The following TAFA5 variants were observed in gnomAD, a reference collection of about 807,000 sequenced individuals.
TAFA5 encodes the protein TAFA chemokine like family member 5.
A neutral mutation model predicts 15.3 loss-of-function variants in TAFA5; 6 were observed. The observed-to-expected ratio is 0.39, with a 90% CI of 0.21 to 0.77. The LOEUF is 0.77. Ranked by LOEUF, TAFA5 falls within the 30% of genes least tolerant of loss-of-function variation. TAFA5 has a pLI of 0.41. For synonymous variants in TAFA5, 103 were observed against 80.7 expected (o/e 1.28, Z -1.48); for missense variants, 161 against 193.1 (o/e 0.83, Z 0.98).
chr22:48,503,278 A>T (rs762924921), intron 1 of TAFA5, among the ~76,000 whole-genome samples: 4 of 152,218 alleles, frequency 2.6e-5, no homozygotes, highest in Non-Finnish European at 5.9e-5. Flanking sequence ...CATTTGCTGA[A>T]CACGTGAGTT....
intron 2 of TAFA5, among the ~76,000 whole-genome samples, chr22:48,680,065 C>T (rs973629856): frequency 9.2e-5 from 14 of 152,224 alleles, no homozygotes; most frequent in South Asian, 2.1e-4. Context: ...CCGGCACCCA[C>T]CCGTGGTCTC....
At chr22:48,690,839 G>C (rs866767115) in intron 2 of TAFA5, among the ~76,000 whole-genome samples, 2 of 151,790 alleles carry the variant, frequency 1.3e-5, no homozygotes, top group Non-Finnish European at 2.9e-5. Flanking sequence ...GGCTTGGGGG[G>C]CCGTGCTGCC....
intron 1 of TAFA5, among the ~76,000 whole-genome samples, chr22:48,516,154 G>A (rs551701829): frequency 6.6e-6 from 1 of 152,124 alleles, no homozygotes; most frequent in Admixed American, 6.5e-5. Context: ...TTTATGACGC[G>A]CTACCCAAAG....
chr22:48,544,464 G>C, intron 1 of TAFA5: 1 of 349,404 alleles, frequency 2.9e-6, no homozygotes. Flanking sequence ...ATCTGACAAG[G>C]CAGCCGTTTG....
intron 1 of TAFA5, among the ~76,000 whole-genome samples, chr22:48,582,678 A>G (rs1012112570): frequency 6.6e-6 from 1 of 150,962 alleles, no homozygotes; most frequent in East Asian, 2.0e-4. Flanking sequence ...TACACCACAC[A>G]CGAAATACAC....
intron 2 of TAFA5, among the ~76,000 whole-genome samples, chr22:48,654,622 C>G (rs907186071): frequency 6.6e-6 from 1 of 152,256 alleles, no homozygotes; most frequent in Non-Finnish European, 1.5e-5. Context: ...CCTCCCGGCA[C>G]TGACTTTCCC....
chr22:48,506,489 C>T (rs545973863), intron 1 of TAFA5, among the ~76,000 whole-genome samples: 5 of 152,288 alleles, frequency 3.3e-5, no homozygotes, highest in Non-Finnish European at 7.4e-5. Context: ...TAGGGCTCTT[C>T]CCGGCAGTGG....
intron 1 of TAFA5, among the ~76,000 whole-genome samples, chr22:48,595,161 A>G (rs1378032314): frequency 3.3e-5 from 5 of 152,170 alleles, no homozygotes; most frequent in Non-Finnish European, 7.4e-5. Context: ...TGCAGCCTGC[A>G]TGCCCCAATT....
At chr22:48,743,856 G>A (rs1054373494) in intron 3 of TAFA5, among the ~76,000 whole-genome samples, 2 of 152,200 alleles carry the variant, frequency 1.3e-5, no homozygotes, top group Non-Finnish European at 2.9e-5. Flanking sequence ...CAGATGATCC[G>A]TCCGCACATT....
At chr22:48,553,218 C>G (rs1041142673) in intron 1 of TAFA5, among the ~76,000 whole-genome samples, 14 of 152,240 alleles carry the variant, frequency 9.2e-5, no homozygotes, top group African/African-American at 3.4e-4. Flanking sequence ...ACTCCACAGG[C>G]CCCCCGCTCT....
At position 48,721,013 on chromosome 22, in the gene TAFA5, C is replaced by T. The variant is rs77857115; in HGVS notation, c.390+13169C>T. On this transcript the variant is annotated intron_variant, in intron 3 of 3. Coordinates refer to ENST00000402357, the MANE Select transcript of TAFA5 (RefSeq NM_001082967.3). ...ATGAGGAACCCGAGTGGCCCCCTCT[C>T]CTGAGGGCGCTAAGGCCACTGTCCC... is the stretch of plus-strand genomic sequence containing the variant. 6.2e-3 allele frequency among the ~76,000 whole-genome samples: 951 copies of T among 152,328 alleles called. 5 individuals are homozygous for T. Among genetic ancestry groups the T allele is most frequent in the Non-Finnish European group, 0.011 (735 of 68,024 alleles).
At chr22:48,696,364 C>T (rs1928712357) in intron 2 of TAFA5, among the ~76,000 whole-genome samples, 1 of 152,192 alleles carries the variant, frequency 6.6e-6, no homozygotes, top group Non-Finnish European at 1.5e-5. Flanking sequence ...CTCCTTCCTT[C>T]CATCCTTCCC....
chr22:48,723,243 C>T (rs944639134), intron 3 of TAFA5, among the ~76,000 whole-genome samples: 1 of 152,164 alleles, frequency 6.6e-6, no homozygotes, highest in African/African-American at 2.4e-5. Flanking sequence ...CTGCATGCCA[C>T]AGTGGGAATG....
At chr22:48,589,825 C>T in intron 1 of TAFA5, among the ~76,000 whole-genome samples, 1 of 149,936 alleles carries the variant, frequency 6.7e-6, no homozygotes, top group East Asian at 2.1e-4. Flanking sequence ...AGAGGAAGCG[C>T]AGGCCCAAGA....
At chr22:48,609,101 G>C (rs1925303302) in intron 1 of TAFA5, among the ~76,000 whole-genome samples, 1 of 152,182 alleles carries the variant, frequency 6.6e-6, no homozygotes, top group African/African-American at 2.4e-5. Flanking sequence ...TGGAGCGATG[G>C]CCCTGGCAGA....
intron 1 of TAFA5, chr22:48,547,209 G>C (rs551284186): frequency 6.6e-6 from 1 of 152,456 alleles, no homozygotes; most frequent in African/African-American, 2.4e-5. Context: ...GATGCGGCGG[G>C]CCTGGGAGCT....
At chr22:48,558,070 C>T (rs1923100639) in intron 1 of TAFA5, among the ~76,000 whole-genome samples, 1 of 152,172 alleles carries the variant, frequency 6.6e-6, no homozygotes, top group Admixed American at 6.5e-5. Flanking sequence ...CTGCACCTCA[C>T]CAAGATCAGC....
intron 1 of TAFA5, among the ~76,000 whole-genome samples, chr22:48,634,281 ATCAC>A (rs1433025129): frequency 6.6e-6 from 1 of 151,276 alleles, no homozygotes; most frequent in Non-Finnish European, 1.5e-5. Context: ...TCACTCACTC[ATCAC>A]TCATTCGTTA....
rs143221274 is a variant in TAFA5, at chr22:48,590,658, T to C, written c.113-55939T>C. On this transcript the variant is annotated intron_variant, in intron 1 of 3. Transcript: ENST00000402357. Reference sequence around the variant, plus strand: ...GTGACTCTGAGAGCCCACCGGCTGGTGTACCTTTGAAAGTGACATTTTCAT... The same window carrying C: ...GTGACTCTGAGAGCCCACCGGCTGGCGTACCTTTGAAAGTGACATTTTCAT... Among the ~76,000 whole-genome samples the C allele has an allele frequency of 7.6e-3, 1,158 of 152,194 alleles. 13 individuals carry two copies. The highest frequency in any genetic ancestry group is 0.027 in the African/African-American group (1,114 of 41,538).
Sources: gnomAD v4.1 joint callset for allele counts (sites outside exome capture counted in the v4.1 genomes callset) on GRCh38, gnomAD v4.1.1 for gene constraint, MANE v1.5 for transcripts, NCBI Gene and HGNC (gene_info 2026-07-23, HGNC 2026-07-21) for gene names.